YAP1: variants seen among roughly 807,000 people sequenced by gnomAD.
YAP1 encodes the protein transcriptional coactivator YAP1.
A neutral mutation model predicts 56.9 loss-of-function variants in YAP1; 5 were observed. That is an observed-to-expected ratio of 0.09 (90% CI 0.05 to 0.18). The LOEUF is 0.18. Ranked by LOEUF, YAP1 falls within the 10% of genes least tolerant of loss-of-function variation. The pLI, the probability that YAP1 is intolerant of heterozygous loss-of-function variation, is 1.00. For synonymous variants in YAP1, 265 were observed against 248.1 expected (o/e 1.07, Z -0.64); for missense variants, 539 against 651.8 (o/e 0.83, Z 1.88).
At position 102,185,910 on chromosome 11, in the gene YAP1, T is replaced by C. The variant is rs987333635; in HGVS notation, c.689-108T>C. On this transcript the variant is annotated intron_variant, in intron 3 of 8. Coordinates refer to ENST00000282441, the MANE Select transcript of YAP1 (RefSeq NM_001130145.3). ...ACAGCCTTAAATATGTTTCAATGAA[T>C]TGTTTTATGTTAAGATGTGTTTTCT... 3.6e-6 allele frequency: 4 copies of C among 1,098,838 alleles called. No homozygotes were observed. In the African/African-American group the frequency reaches 6.4e-5, roughly 18 times the overall value. The allele number at this position is 1,098,838 out of a possible 1,614,324, so 68.1% of individuals were successfully genotyped here.
intron 2 of YAP1, among the ~76,000 whole-genome samples, chr11:102,129,510 C>A (rs1157132184): frequency 6.6e-6 from 1 of 150,894 alleles, no homozygotes; most frequent in African/African-American, 2.4e-5. Context: ...CCCAGCTGCT[C>A]GGGAGGCTGA....
At chr11:102,155,616 G>A (rs748904902) in intron 2 of YAP1, among the ~76,000 whole-genome samples, 15 of 152,200 alleles carry the variant, frequency 9.9e-5, no homozygotes, top group Non-Finnish European at 1.9e-4. Flanking sequence ...TTTTGATGAA[G>A]ACCATTTGCC....
intron 2 of YAP1, among the ~76,000 whole-genome samples, chr11:102,123,784 C>T (rs998767794): frequency 2.6e-5 from 4 of 151,626 alleles, no homozygotes; most frequent in African/African-American, 4.8e-5. Context: ...GGACTACAGG[C>T]ACCCACCACC....
chr11:102,153,699 T>C (rs1945789224), intron 2 of YAP1, among the ~76,000 whole-genome samples: 1 of 152,194 alleles, frequency 6.6e-6, no homozygotes, highest in African/African-American at 2.4e-5. Context: ...TTTGCTGTAC[T>C]CAATTATCTT....
At chr11:102,147,277 G>A (rs1292896158) in intron 2 of YAP1, among the ~76,000 whole-genome samples, 1 of 152,118 alleles carries the variant, frequency 6.6e-6, no homozygotes, top group East Asian at 1.9e-4. Context: ...GCCACATGAG[G>A]ATTTATAGTG....
intron 3 of YAP1, among the ~76,000 whole-genome samples, chr11:102,180,430 C>T (rs534596758): frequency 1.3e-5 from 2 of 151,972 alleles, no homozygotes; most frequent in South Asian, 2.1e-4. Context: ...CGCCTGTAAT[C>T]CCAGCACTTT....
intron 2 of YAP1, among the ~76,000 whole-genome samples, chr11:102,130,411 G>A (rs1944307349): frequency 6.6e-6 from 1 of 152,006 alleles, no homozygotes; most frequent in Non-Finnish European, 1.5e-5. Context: ...TTGATTGATT[G>A]ATTGATTGAT....
At chr11:102,166,939 T>C (rs1946647288) in intron 3 of YAP1, among the ~76,000 whole-genome samples, 1 of 152,252 alleles carries the variant, frequency 6.6e-6, no homozygotes, top group South Asian at 2.1e-4. Context: ...TTGACTAGGA[T>C]GAAAGATCTT....
chr11:102,143,221 C>T (rs1245238034), intron 2 of YAP1, among the ~76,000 whole-genome samples: 3 of 152,086 alleles, frequency 2.0e-5, no homozygotes, highest in Non-Finnish European at 2.9e-5. Context: ...TGTAGTATCT[C>T]ATATGGCATA....
intron 2 of YAP1, among the ~76,000 whole-genome samples, chr11:102,138,820 T>C (rs1944836481): frequency 6.6e-6 from 1 of 152,214 alleles, no homozygotes; most frequent in Admixed American, 6.5e-5. Context: ...TACATAAATA[T>C]AGATAAAATA....
At chr11:102,221,055 G>A (rs1949904215) in intron 6 of YAP1, among the ~76,000 whole-genome samples, 1 of 152,166 alleles carries the variant, frequency 6.6e-6, no homozygotes, top group Non-Finnish European at 1.5e-5. Flanking sequence ...GAGTGGAGAT[G>A]AAGGTCACTG....
At chr11:102,122,905 A>G (rs1385051435) in intron 2 of YAP1, among the ~76,000 whole-genome samples, 1 of 150,656 alleles carries the variant, frequency 6.6e-6, no homozygotes, top group Admixed American at 6.6e-5. Context: ...CAAAAAAAAA[A>G]AAAAAAAAAA....
At chr11:102,150,049 A>G (rs1380377433) in intron 2 of YAP1, among the ~76,000 whole-genome samples, 1 of 123,638 alleles carries the variant, frequency 8.1e-6, no homozygotes, top group Non-Finnish European at 1.5e-5. Flanking sequence ...TAGTGGCGCT[A>G]TCTCGGCTCC....
At chr11:102,211,380 TTAGAGG>T (rs1372809229) in intron 6 of YAP1, among the ~76,000 whole-genome samples, 2 of 152,160 alleles carry the variant, frequency 1.3e-5, no homozygotes, top group East Asian at 3.8e-4. Context: ...GATACGAAGA[TTAGAGG>T]TAATTACTCA....
intron 2 of YAP1, among the ~76,000 whole-genome samples, chr11:102,120,935 C>T (rs1050320860): frequency 1.3e-5 from 2 of 152,108 alleles, no homozygotes; most frequent in Admixed American, 6.5e-5. Flanking sequence ...TACGCTGCCA[C>T]CTAGGAGGTG....
chr11:102,214,178 G>A (rs1451746821), intron 6 of YAP1, among the ~76,000 whole-genome samples: 1 of 152,192 alleles, frequency 6.6e-6, no homozygotes, highest in African/African-American at 2.4e-5. Flanking sequence ...TCCAATTTAG[G>A]TGGTCAAAAG....
chr11:102,166,927 G>T (rs902727252), intron 3 of YAP1, among the ~76,000 whole-genome samples: 3 of 152,056 alleles, frequency 2.0e-5, no homozygotes, highest in African/African-American at 7.2e-5. Context: ...TAATTTTCAT[G>T]GTTGACTAGG....
At position 102,230,014 on chromosome 11, in the gene YAP1, C is replaced by A; in HGVS notation, c.*74C>A. On this transcript the variant is annotated 3_prime_UTR_variant, in exon 9 of 9. Coordinates refer to ENST00000282441, the MANE Select transcript of YAP1 (RefSeq NM_001130145.3). ...ACATGCACCGGAAATTTCCATAAGC[C>A]AGTTGCAGTTTTCAGGCTAATACAG... The A allele has an allele frequency of 7.6e-7, 1 of 1,307,436 alleles. No individual in the cohort carries two copies. The highest frequency in any genetic ancestry group is 1.1e-6 in the Non-Finnish European group (1 of 920,470). The allele number at this position is 1,307,436 out of a possible 1,614,324, so 81.0% of individuals were successfully genotyped here.
chr11:102,129,269 A>G (rs1288886729), intron 2 of YAP1, among the ~76,000 whole-genome samples: 1 of 152,162 alleles, frequency 6.6e-6, no homozygotes, highest in East Asian at 1.9e-4. Flanking sequence ...TCATATGGTC[A>G]GGTAAGCATT....
Sources: allele counts gnomAD v4.1 joint callset (sites outside exome capture counted in the v4.1 genomes callset), GRCh38; gene constraint gnomAD v4.1.1; transcripts MANE v1.5; gene names NCBI Gene and HGNC (gene_info 2026-07-23, HGNC 2026-07-21).